GAP43: variants seen among roughly 807,000 people sequenced by gnomAD.
GAP43 encodes growth associated protein 43.
In GAP43, 6 loss-of-function variants were observed where a neutral mutation model predicts 18.6. That is an observed-to-expected ratio of 0.32 (90% CI 0.18 to 0.64). The LOEUF (loss-of-function observed/expected upper bound fraction) is 0.64, where lower values mean the gene tolerates loss of function less well. Among genes scored for constraint, GAP43 ranks in the 30% least tolerant of loss-of-function variants. The pLI is 0.78. For synonymous variants in GAP43, 115 were observed against 111.4 expected, an observed-to-expected ratio of 1.03 and a Z score of -0.20; for missense variants, 292 against 295.5, an observed-to-expected ratio of 0.99 and a Z score of 0.09.
chr3:115,689,162 T>C (rs1709071630), intron 2 of GAP43, among the ~76,000 whole-genome samples: 1 of 152,218 alleles, frequency 6.6e-6, no homozygotes, highest in Admixed American at 6.5e-5. Flanking sequence ...TCCCTGACCA[T>C]TTGGGCAGAA....
chr3:115,628,973 T>C (rs1708226525), intron 1 of GAP43, among the ~76,000 whole-genome samples: 1 of 152,186 alleles, frequency 6.6e-6, no homozygotes, highest in Non-Finnish European at 1.5e-5. Context: ...GTGTCTTCTG[T>C]TGTGTATCAC....
chr3:115,657,292 C>T (rs984542448), intron 1 of GAP43, among the ~76,000 whole-genome samples: 1 of 152,132 alleles, frequency 6.6e-6, no homozygotes, highest in Non-Finnish European at 1.5e-5. Context: ...AGGAGAAAGA[C>T]TGCTTAGGTG....
intron 1 of GAP43, among the ~76,000 whole-genome samples, chr3:115,665,324 T>A (rs1451077878): frequency 1.3e-5 from 2 of 152,192 alleles, no homozygotes; most frequent in African/African-American, 4.8e-5. Context: ...AGAGCTGATA[T>A]TAGGATTGCT....
At chr3:115,664,121 T>G (rs1708701589) in intron 1 of GAP43, among the ~76,000 whole-genome samples, 1 of 151,956 alleles carries the variant, frequency 6.6e-6, no homozygotes, top group Non-Finnish European at 1.5e-5. Flanking sequence ...CTATATGCAA[T>G]AAATATGTTT....
At chr3:115,624,734 G>C (rs997714579) in intron 1 of GAP43, among the ~76,000 whole-genome samples, 2 of 152,126 alleles carry the variant, frequency 1.3e-5, no homozygotes, top group Non-Finnish European at 2.9e-5. Flanking sequence ...AGAGTGGGAA[G>C]GAATGACGAG....
chr3:115,671,674 G>T (rs1038813871), intron 1 of GAP43, among the ~76,000 whole-genome samples: 5 of 152,160 alleles, frequency 3.3e-5, no homozygotes, highest in African/African-American at 4.8e-5. Context: ...GTGTAAAAAT[G>T]AAATAACTTT....
intron 1 of GAP43, among the ~76,000 whole-genome samples, chr3:115,655,609 T>C (rs1708570558): frequency 6.6e-6 from 1 of 152,214 alleles, no homozygotes. Context: ...GCCTGAAGGA[T>C]GGGATTTCTC....
In GAP43 at chr3:115,676,146, A is replaced by C; in HGVS notation, c.164A>C (p.Lys55Thr). 6.2e-7 allele frequency: 1 copy of C among 1,614,192 alleles called. No individual in the cohort carries two copies. The highest frequency in any genetic ancestry group is 8.5e-7 in the Non-Finnish European group (1 of 1,180,034). ...ACAAGGAAAAAGCTCAAAGGAGAGA[A>C]GAAGGATGATGTCCAAGCTGCTGAG... ...HITRKKLKGE[K>T]KDDVQAAEAE... Residue 55 changes from lysine (K) to threonine (T), a missense_variant, in exon 2 of 3, where the codon AAG (lysine) becomes ACG (threonine). Transcript: ENST00000305124.
rs564061357 is a variant in GAP43, at chr3:115,625,840, T to C, written c.30+2121T>C. 2.6e-4 allele frequency among the ~76,000 whole-genome samples: 40 copies of C among 152,354 alleles called. 1 individual carries two copies. The highest frequency in any genetic ancestry group is 3.4e-3 in the Middle Eastern group (1 of 294). ...ATGTATACAGCATCCACATACTTCA[T>C]ATGCTACAGTTGCATGTGTAAGTGG... On this transcript the variant is annotated intron_variant, in intron 1 of 2. Coordinates refer to ENST00000305124, the MANE Select transcript of GAP43 (RefSeq NM_002045.4).
intron 2 of GAP43, among the ~76,000 whole-genome samples, chr3:115,702,973 G>C (rs1242510219): frequency 6.6e-6 from 1 of 152,088 alleles, no homozygotes; most frequent in Non-Finnish European, 1.5e-5. Flanking sequence ...CCATTTCCTG[G>C]AGTACAAAAA....
intron 2 of GAP43, among the ~76,000 whole-genome samples, chr3:115,692,514 T>C (rs1166335620): frequency 2.6e-5 from 4 of 152,206 alleles, no homozygotes; most frequent in African/African-American, 7.2e-5. Flanking sequence ...AAAATAAGTC[T>C]GTGACTGCTT....
At chr3:115,672,342 A>G (rs1708822916) in intron 1 of GAP43, among the ~76,000 whole-genome samples, 1 of 152,066 alleles carries the variant, frequency 6.6e-6, no homozygotes, top group Admixed American at 6.6e-5. Context: ...AAGCGCTTCT[A>G]TTTCTAGTGG....
intron 2 of GAP43, among the ~76,000 whole-genome samples, chr3:115,716,714 ACAAATATAT>A (rs1559809035): frequency 0.052 from 3,341 of 63,788 alleles, 347 homozygotes; most frequent in Middle Eastern, 0.11. Context: ...TTAATCTCAG[ACAAATATAT>A]ATATATATAT....
At chr3:115,629,765 A>G (rs1024408991) in intron 1 of GAP43, among the ~76,000 whole-genome samples, 6 of 152,192 alleles carry the variant, frequency 3.9e-5, no homozygotes, top group Admixed American at 6.6e-5. Context: ...CATGTTAACC[A>G]TGAATAATCT....
intron 2 of GAP43, among the ~76,000 whole-genome samples, chr3:115,715,467 C>T (rs1249577057): frequency 2.0e-5 from 3 of 152,126 alleles, no homozygotes; most frequent in Non-Finnish European, 4.4e-5. Context: ...TCTATAGCCC[C>T]TTCCTAAGTA....
intron 1 of GAP43, 56 bp downstream of exon 1, chr3:115,623,775 T>A (rs1268654953): frequency 2.5e-6 from 4 of 1,602,816 alleles, no homozygotes; most frequent in African/African-American, 2.7e-5. Context: ...AGTACAGTAT[T>A]TCCCCGTAAA....
At chr3:115,628,354 T>G (rs545606050) in intron 1 of GAP43, among the ~76,000 whole-genome samples, 1 of 152,202 alleles carries the variant, frequency 6.6e-6, no homozygotes, top group South Asian at 2.1e-4. Context: ...CTCATCTATC[T>G]TAAAAGATTC....
At chr3:115,682,190 T>C (rs1376539381) in intron 2 of GAP43, among the ~76,000 whole-genome samples, 1 of 152,196 alleles carries the variant, frequency 6.6e-6, no homozygotes, top group Non-Finnish European at 1.5e-5. Flanking sequence ...GAGTCTTAGA[T>C]TCTTATTTCA....
At chr3:115,711,187 A>G (rs1709432698) in intron 2 of GAP43, among the ~76,000 whole-genome samples, 1 of 152,220 alleles carries the variant, frequency 6.6e-6, no homozygotes, top group African/African-American at 2.4e-5. Flanking sequence ...GTTATACCAT[A>G]TATCAAAGTT....
Sources: allele counts gnomAD v4.1 joint callset (sites outside exome capture counted in the v4.1 genomes callset), GRCh38; gene constraint gnomAD v4.1.1; transcripts MANE v1.5; gene names NCBI Gene and HGNC (gene_info 2026-07-23, HGNC 2026-07-21).